GRB10: variants seen among roughly 807,000 people sequenced by gnomAD.
GRB10 encodes the protein growth factor receptor-bound protein 10.
In GRB10, 20 loss-of-function variants were observed where a neutral mutation model predicts 80.9. The ratio of observed to expected loss-of-function variants is 0.25; its 90% confidence interval spans 0.17 to 0.36. The LOEUF (loss-of-function observed/expected upper bound fraction) is 0.36. Among genes scored for constraint, GRB10 ranks in the 10% least tolerant of loss-of-function variants. The probability of loss-of-function intolerance (pLI) is 1.00; values close to 1 mark genes in which losing one functional copy is unlikely to be tolerated. For synonymous variants in GRB10, 291 were observed against 291.5 expected (o/e 1.00, Z 0.02); for missense variants, 548 against 747.7 (o/e 0.73, Z 3.12).
At chr7:50,610,902 A>G (rs1412091228) in intron 13 of GRB10, among the ~76,000 whole-genome samples, 3 of 152,218 alleles carry the variant, frequency 2.0e-5, no homozygotes, top group Non-Finnish European at 4.4e-5. Flanking sequence ...ACAGTGGTTA[A>G]GAACCTGATA....
In GRB10 at chr7:50,669,724, G is replaced by A; in HGVS notation, c.502C>T (p.Gln168Ter). The A allele has an allele frequency of 6.2e-7, 1 of 1,612,954 alleles. No homozygotes were observed. Among genetic ancestry groups the A allele is most frequent in the Non-Finnish European group, 8.5e-7 (1 of 1,179,970 alleles). ...SLPPSQAAAK[Q>*]DVKVFSEDGT... ...GCTCCAGCCAGGGGCACACTCACCT[G>A]CTTTGCGGCGGCCTGGCTCGGAGGT... The change falls in exon 7 of 19, where the codon CAG (glutamine) becomes TAG (stop). Residue 168 changes from glutamine to a stop codon, truncating the protein, a stop_gained and splice_region_variant. Coordinates refer to ENST00000401949, the MANE Select transcript of GRB10 (RefSeq NM_001350814.2). LOFTEE classifies it high-confidence loss of function.
chr7:50,709,382 G>A (rs539670655), intron 4 of GRB10, among the ~76,000 whole-genome samples: 86 of 152,318 alleles, frequency 5.6e-4, no homozygotes, highest in African/African-American at 1.8e-3. Flanking sequence ...AGTGGTGGGC[G>A]GCCGAGGGAG....
chr7:50,777,457 C>CACACACA (rs1220686321), intron 2 of GRB10, among the ~76,000 whole-genome samples: 1 of 151,548 alleles, frequency 6.6e-6, no homozygotes, highest in Non-Finnish European at 1.5e-5. Context: ...CACACACACA[C>CACACACA]ACCATTGCAC....
chr7:50,640,380 A>T (rs2056004105), intron 7 of GRB10, among the ~76,000 whole-genome samples: 1 of 152,144 alleles, frequency 6.6e-6, no homozygotes, highest in Non-Finnish European at 1.5e-5. Context: ...GCCCCCTTCG[A>T]GGTAATCTTC....
At chr7:50,735,632 T>C (rs1442795774) in intron 3 of GRB10, among the ~76,000 whole-genome samples, 1 of 152,146 alleles carries the variant, frequency 6.6e-6, no homozygotes, top group East Asian at 1.9e-4. Flanking sequence ...TGAAAAACTG[T>C]AAAGGACTCT....
At chr7:50,748,418 G>A (rs964462289) in intron 3 of GRB10, among the ~76,000 whole-genome samples, 6 of 152,206 alleles carry the variant, frequency 3.9e-5, no homozygotes, top group South Asian at 2.1e-4. Flanking sequence ...AGCTGAGCTC[G>A]GGAAAGTGTT....
Position 50,619,245 on chromosome 7 carries a change from C to A in GRB10, c.702G>T (p.Glu234Asp). Residue 234 changes from glutamate to aspartate, a missense_variant, in exon 9 of 19, where the codon GAG becomes GAT. This residue lies in a region of GRB10 where 270 missense variants were observed against 433.6 expected (regional missense o/e 0.62). Transcript: ENST00000401949. ...ATTTACTCTCACTGGCCATGGTACT[C>A]TCCACCTGGACCACCAGCTCATGGT... ...LEDHELVVQVESTMASESKFL... is the reference protein window; with the variant it reads ...LEDHELVVQVDSTMASESKFL... 2 of 1,613,500 alleles carry A rather than the reference C, an allele frequency of 1.2e-6. No homozygotes were observed.
rs1436288635 is a variant in GRB10, at chr7:50,782,044, C to A, written c.-327+380G>T. Among the ~76,000 whole-genome samples the A allele has an allele frequency of 6.6e-6, 1 of 152,222 alleles. No individual in the cohort carries two copies. Among genetic ancestry groups the A allele is most frequent in the African/African-American group, 2.4e-5 (1 of 41,462 alleles). ...AGTAGCCCGGATGCCCAGATCCACT[C>A]ATTTCCCAAACCGGTTCCCACACCC... is the stretch of plus-strand genomic sequence containing the variant. On this transcript the variant is annotated intron_variant, in intron 1 of 18. Transcript: ENST00000401949. This position sits in a 1 kb window ranked among gnomAD's most constrained non-coding sequence, Gnocchi z 6.6.
At chr7:50,610,990 T>TC (rs2049410092) in intron 13 of GRB10, among the ~76,000 whole-genome samples, 1 of 148,074 alleles carries the variant, frequency 6.8e-6, no homozygotes. Flanking sequence ...CTTTTTCATT[T>TC]CCTTTTTTTT....
At chr7:50,760,590 A>C (rs1387490223) in intron 2 of GRB10, among the ~76,000 whole-genome samples, 1 of 152,244 alleles carries the variant, frequency 6.6e-6, no homozygotes, top group Non-Finnish European at 1.5e-5. Context: ...TAGAGCATTA[A>C]GGGAGAATTA....
intron 2 of GRB10, among the ~76,000 whole-genome samples, chr7:50,762,681 A>T (rs1028435800): frequency 6.6e-6 from 1 of 152,226 alleles, no homozygotes; most frequent in Non-Finnish European, 1.5e-5. Context: ...AAGAACTACT[A>T]AACTACTAAG....
At chr7:50,680,426 A>T (rs1270506261) in intron 5 of GRB10, among the ~76,000 whole-genome samples, 1 of 152,224 alleles carries the variant, frequency 6.6e-6, no homozygotes, top group Non-Finnish European at 1.5e-5. Context: ...ACACATATCA[A>T]CAAACTGATG....
intron 7 of GRB10, among the ~76,000 whole-genome samples, chr7:50,630,082 C>T (rs942717186): frequency 6.6e-6 from 1 of 152,230 alleles, no homozygotes; most frequent in African/African-American, 2.4e-5. Flanking sequence ...GCTTAGCCTC[C>T]TACTGGCTTT....
intron 7 of GRB10, among the ~76,000 whole-genome samples, chr7:50,631,385 A>T (rs1309560554): frequency 6.6e-6 from 1 of 152,138 alleles, no homozygotes; most frequent in African/African-American, 2.4e-5. Context: ...AGTACCCGAG[A>T]TCCACACCTA....
intron 7 of GRB10, among the ~76,000 whole-genome samples, chr7:50,639,807 TAGAC>T (rs1457406180): frequency 6.6e-6 from 1 of 152,222 alleles, no homozygotes; most frequent in African/African-American, 2.4e-5. Flanking sequence ...TTATACCAAG[TAGAC>T]AGGCTTATTT....
At position 50,605,405 on chromosome 7, in the gene GRB10, C is replaced by A. The variant is rs1488072591; in HGVS notation, c.1274G>T (p.Arg425Leu). ...CACGAGGGAGTTCTCGGAGACACTG[C>A]GCTGAAAAGGAAAGGCCGCAGTTCT... ...ALLSPFSTPV[R>L]SVSENSLVAM... The change falls in exon 15 of 19, where the codon CGC becomes CTC. Residue 425 changes from arginine to leucine, a missense_variant and splice_region_variant. This residue lies in a region of GRB10 where 270 missense variants were observed against 433.6 expected (regional missense o/e 0.62). Transcript: ENST00000401949. The A allele has an allele frequency of 2.5e-6, 4 of 1,612,110 alleles. No homozygotes were observed. The highest frequency in any genetic ancestry group is 3.4e-6 in the Non-Finnish European group (4 of 1,178,248).
At chr7:50,768,689 G>A (rs1261932315) in intron 2 of GRB10, among the ~76,000 whole-genome samples, 1 of 152,196 alleles carries the variant, frequency 6.6e-6, no homozygotes, top group Admixed American at 6.5e-5. Flanking sequence ...GTAGAATGAT[G>A]ATCTCAACAG....
Position 50,705,093 on chromosome 7 carries a change from G to A in GRB10, c.52-1185C>T, listed in dbSNP as rs1308176912. 25 of 951,082 alleles carry A rather than the reference G, an allele frequency of 2.6e-5. No homozygotes were observed. The Admixed American group carries it at 4.3e-4, about 16-fold the overall frequency. 58.9% of individuals were successfully genotyped at this position (951,082 alleles called of 1,614,324 possible). On this transcript the variant is annotated intron_variant, in intron 4 of 18. Transcript: ENST00000401949. ...TCTGCCCAGAGCCCTCCTTGCTCAC[G>A]CATGAAATGGGATGGATGCTCACTT... is the stretch of plus-strand genomic sequence containing the variant.
intron 3 of GRB10, among the ~76,000 whole-genome samples, chr7:50,755,659 C>T (rs1306595258): frequency 3.9e-5 from 6 of 152,130 alleles, no homozygotes; most frequent in Admixed American, 1.3e-4. Context: ...CAGGTCCTCC[C>T]ATCCCTACCC....
Sources: gnomAD v4.1 joint callset for allele counts (sites outside exome capture counted in the v4.1 genomes callset) on GRCh38, gnomAD v4.1.1 for gene constraint, gnomAD v4.1.1 regional missense constraint, Gnocchi (gnomAD v3.1) non-coding constraint, MANE v1.5 for transcripts, NCBI Gene and HGNC (gene_info 2026-07-23, HGNC 2026-07-21) for gene names.